Variants in RPN2 observed in about 807,000 individuals in gnomAD.
RPN2 encodes the protein ribophorin II.
Under a neutral mutation model 71.4 loss-of-function variants are expected in RPN2, and 29 were observed. The ratio of observed to expected loss-of-function variants is 0.41; its 90% CI spans 0.30 to 0.55. The LOEUF (loss-of-function observed/expected upper bound fraction) is 0.55, where lower values mean the gene tolerates loss of function less well. RPN2 is among the 20% of genes least tolerant of loss of function. RPN2 has a pLI of 0.35. For synonymous variants in RPN2, 308 were observed against 305.0 expected (o/e 1.01, Z -0.10); for missense variants, 726 against 774.1 (o/e 0.94, Z 0.74).
intron 9 of RPN2, among the ~76,000 whole-genome samples, chr20:37,222,558 G>T (rs1268069852): frequency 6.6e-6 from 1 of 152,270 alleles, no homozygotes; most frequent in East Asian, 1.9e-4. Context: ...ATTTGAGGTT[G>T]TCACACCTCG....
At chr20:37,206,603 C>T (rs1475487748) in intron 6 of RPN2, among the ~76,000 whole-genome samples, 2 of 152,092 alleles carry the variant, frequency 1.3e-5, no homozygotes, top group African/African-American at 2.4e-5. Context: ...ATCATGATGC[C>T]TGGCATATAT....
chr20:37,213,951 T>C, intron 9 of RPN2, 86 bp downstream of exon 9: 1 of 1,012,026 alleles, frequency 9.9e-7, no homozygotes, highest in Non-Finnish European at 1.6e-6. Flanking sequence ...GTCTGGTGCA[T>C]TGACTTTTCT....
At chr20:37,187,147 A>G (rs923440955) in intron 2 of RPN2, among the ~76,000 whole-genome samples, 2 of 151,810 alleles carry the variant, frequency 1.3e-5, no homozygotes, top group African/African-American at 4.8e-5. Context: ...GATAATTTCT[A>G]CCTTTTGATT....
Position 37,236,616 on chromosome 20 carries a change from T to C in RPN2, c.1790T>C (p.Leu597Pro). ...CTCATGTATGTCTACTGGACTCAGCTCAACATGTTCCAGACCTTGAAGTAC... is the reference window on the plus strand; with the variant it reads ...CTCATGTATGTCTACTGGACTCAGCCCAACATGTTCCAGACCTTGAAGTAC... ...LGLMYVYWTQ[L>P]NMFQTLKYLA... Residue 597 changes from leucine (L) to proline (P), a missense_variant, in exon 16 of 17, where the codon CTC becomes CCC. Transcript: ENST00000237530. The C allele has an allele frequency of 6.2e-7, 1 of 1,614,126 alleles. No individual in the cohort carries two copies. The highest frequency in any genetic ancestry group is 8.5e-7 in the Non-Finnish European group (1 of 1,179,948).
chr20:37,234,395 T>C (rs771420340), intron 15 of RPN2, among the ~76,000 whole-genome samples: 3 of 152,274 alleles, frequency 2.0e-5, no homozygotes, highest in Non-Finnish European at 4.4e-5. Flanking sequence ...TATCTTTACA[T>C]TGAGCAATCT....
rs1227752180 is a variant in RPN2, at chr20:37,198,405, T to C, written c.216T>C (p.Cys72=). ...TTTTCCCCACTGTGTAGAAAGCATGTACCTACATCAGATCTAACCTTGATC... is the reference window on the plus strand; with the variant it reads ...TTTTCCCCACTGTGTAGAAAGCATGCACCTACATCAGATCTAACCTTGATC... The part of the protein sequence containing the change: ...GAQVPDAKKA[C]TYIRSNLDPS... The change falls in exon 3 of 17, where the codon TGT becomes TGC. Residue 72 remains cysteine (C), a synonymous_variant. Transcript: ENST00000237530. 1.2e-6 allele frequency: 2 copies of C among 1,614,128 alleles called. No individual in the cohort carries two copies. Among genetic ancestry groups the C allele is most frequent in the African/African-American group, 2.7e-5 (2 of 74,934 alleles).
At chr20:37,197,434 G>A (rs1042797633) in intron 2 of RPN2, among the ~76,000 whole-genome samples, 1 of 152,278 alleles carries the variant, frequency 6.6e-6, no homozygotes, top group East Asian at 1.9e-4. Context: ...AACCAGAGGC[G>A]GGACTGGGCC....
intron 2 of RPN2, among the ~76,000 whole-genome samples, chr20:37,197,166 G>GA (rs1326298420): frequency 1.3e-5 from 2 of 152,174 alleles, no homozygotes; most frequent in African/African-American, 4.8e-5. Context: ...GGGCTATGGT[G>GA]ATGCAGGCAG....
rs575246618 is a variant in RPN2, at chr20:37,213,289, G to A, written c.987-471G>A. On this transcript the variant is annotated intron_variant, in intron 8 of 16. Transcript: ENST00000237530. Reference sequence around the variant, plus strand: ...AAAAGAAAACGTTGGAAACCTAGGGGTGTTCATCTTAGATACTTTTCTCCA... The same window carrying A: ...AAAAGAAAACGTTGGAAACCTAGGGATGTTCATCTTAGATACTTTTCTCCA... 2.6e-5 allele frequency among the ~76,000 whole-genome samples: 4 copies of A among 152,270 alleles called. 1 individual carries two copies. The highest frequency in any genetic ancestry group is 9.6e-5 in the African/African-American group (4 of 41,536).
chr20:37,224,589 T>G (rs1324695796), intron 10 of RPN2, among the ~76,000 whole-genome samples: 3 of 152,206 alleles, frequency 2.0e-5, no homozygotes, highest in Admixed American at 6.5e-5. Flanking sequence ...AATCTTTTTT[T>G]GAAACATAAT....
chr20:37,238,893 G>A (rs1188764400), intron 16 of RPN2: 11 of 512,480 alleles, frequency 2.1e-5, no homozygotes, highest in Admixed American at 2.0e-4. Flanking sequence ...CTCTAGTTGG[G>A]CTAAACATTG....
chr20:37,185,910 G>A (rs941153488), intron 2 of RPN2, among the ~76,000 whole-genome samples: 1 of 152,248 alleles, frequency 6.6e-6, no homozygotes, highest in African/African-American at 2.4e-5. Flanking sequence ...CGGAAGCACT[G>A]GAGAAGAATC....
intron 15 of RPN2, 66 bp downstream of exon 15, chr20:37,234,161 C>T (rs2068322164): frequency 2.0e-6 from 3 of 1,503,236 alleles, no homozygotes; most frequent in Non-Finnish European, 2.8e-6. Context: ...ACGCAAAAGC[C>T]CTGTTAAGTA....
intron 15 of RPN2, 57 bp downstream of exon 15, chr20:37,234,152 C>A: frequency 2.6e-6 from 4 of 1,553,364 alleles, no homozygotes; most frequent in Non-Finnish European, 3.5e-6. Flanking sequence ...AGCCTGCCCA[C>A]GCAAAAGCCC....
chr20:37,194,294 T>C (rs2067208323), intron 2 of RPN2, among the ~76,000 whole-genome samples: 1 of 151,990 alleles, frequency 6.6e-6, no homozygotes, highest in Non-Finnish European at 1.5e-5. Context: ...AAAGTTTCGC[T>C]CTTGTCACCC....
chr20:37,232,435 G>C (rs1196028451), intron 14 of RPN2, 44 bp downstream of exon 14: 3 of 1,606,964 alleles, frequency 1.9e-6, no homozygotes, highest in Non-Finnish European at 2.6e-6. Flanking sequence ...TCTGGCGCCA[G>C]ACCCAGCAGA....
At chr20:37,205,990 C>T (rs1034169264) in intron 6 of RPN2, among the ~76,000 whole-genome samples, 1 of 152,176 alleles carries the variant, frequency 6.6e-6, no homozygotes, top group African/African-American at 2.4e-5. Context: ...TGAACAGTCA[C>T]CCATTTTAAC....
intron 13 of RPN2, among the ~76,000 whole-genome samples, chr20:37,231,511 G>A (rs1195569019): frequency 1.3e-5 from 2 of 152,082 alleles, no homozygotes; most frequent in Non-Finnish European, 2.9e-5. Flanking sequence ...ATCACTTGAG[G>A]TCAGGAGTTG....
chr20:37,202,548 G>C (rs1027685188), intron 4 of RPN2, among the ~76,000 whole-genome samples: 16 of 152,214 alleles, frequency 1.1e-4, no homozygotes, highest in Middle Eastern at 3.4e-3. Flanking sequence ...TTAACCACCA[G>C]GGGGCCTCTC....
Sources: allele counts gnomAD v4.1 joint callset (sites outside exome capture counted in the v4.1 genomes callset), GRCh38; gene constraint gnomAD v4.1.1; transcripts MANE v1.5; gene names NCBI Gene and HGNC (gene_info 2026-07-23, HGNC 2026-07-21).